The following MSH4 variants were observed in gnomAD, a reference collection of about 807,000 sequenced individuals.
MSH4 encodes mutS homolog 4.
MSH4 carries 106 observed loss-of-function variants against 113.7 expected under a neutral mutation model. The observed-to-expected ratio is 0.93, with a 90% confidence interval of 0.80 to 1.10. MSH4 has a LOEUF of 1.10. Among genes scored for constraint, MSH4 ranks in the 50% least tolerant of loss-of-function variants. The pLI is 0.00. For synonymous variants in MSH4, 368 were observed against 380.2 expected, an observed-to-expected ratio of 0.97 and a Z score of 0.37; for missense variants, 1,061 against 1,093.7, an observed-to-expected ratio of 0.97 and a Z score of 0.42.
Position 75,807,043 on chromosome 1 carries a change from A to G in MSH4, c.490A>G (p.Arg164Gly). ...PSVIVAVVEG[R>G]GLARGEIGMA... ...AGTTATTGTAGCTGTTGTAGAAGGGAGAGGACTTGCCAGAGGTGAAATAGG... is the reference window on the plus strand; with the variant it reads ...AGTTATTGTAGCTGTTGTAGAAGGGGGAGGACTTGCCAGAGGTGAAATAGG... Residue 164 changes from arginine to glycine, a missense_variant, in exon 3 of 20, where the codon AGA becomes GGA. Transcript: ENST00000263187. The G allele has an allele frequency of 6.3e-7, 1 of 1,592,428 alleles. No homozygotes were observed. The highest frequency in any genetic ancestry group is 1.4e-5 in the African/African-American group (1 of 73,572).
intron 15 of MSH4, among the ~76,000 whole-genome samples, chr1:75,887,192 G>A (rs1290633883): frequency 6.6e-6 from 1 of 151,974 alleles, no homozygotes; most frequent in Non-Finnish European, 1.5e-5. Context: ...ATCATGGGGG[G>A]CGGTTTCCCC....
chr1:75,816,247 AC>A, intron 5 of MSH4, 125 bp from the exon 6 acceptor site: 1 of 498,040 alleles, frequency 2.0e-6, no homozygotes, highest in Non-Finnish European at 3.3e-6. Context: ...AATATGAAAT[AC>A]CTGGTGTACC....
intron 7 of MSH4, among the ~76,000 whole-genome samples, chr1:75,832,404 A>C (rs1211048074): frequency 6.6e-6 from 1 of 152,244 alleles, no homozygotes; most frequent in Non-Finnish European, 1.5e-5. Flanking sequence ...TGATCAATAG[A>C]AAAAGAGGGA....
At chr1:75,885,051 G>GTATATGTATGTA (rs1217705221) in intron 15 of MSH4, among the ~76,000 whole-genome samples, 3 of 113,348 alleles carry the variant, frequency 2.6e-5, no homozygotes, top group African/African-American at 1.3e-4. Context: ...GTGTGTGTGT[G>GTATATGTATGTA]TGTGTGTGTA....
intron 10 of MSH4, among the ~76,000 whole-genome samples, chr1:75,877,311 T>C (rs1396463690): frequency 1.3e-5 from 2 of 152,152 alleles, no homozygotes. Context: ...TAAAAATATA[T>C]TTCTTTATTT....
At chr1:75,810,898 G>T (rs1182275767) in intron 4 of MSH4, 91 bp downstream of exon 4, 3 of 589,948 alleles carry the variant, frequency 5.1e-6, no homozygotes, top group African/African-American at 4.0e-5. Flanking sequence ...TTGAGACAGA[G>T]TTTCACTCTG....
intron 4 of MSH4, 146 bp from the exon 5 acceptor site, chr1:75,814,875 T>C (rs956160933): frequency 1.5e-5 from 9 of 602,640 alleles, no homozygotes; most frequent in African/African-American, 1.2e-4. Context: ...ATTCTTTTTA[T>C]AGAAATAACT....
chr1:75,897,870 T>C, intron 17 of MSH4, 37 bp from the exon 18 acceptor site: 1 of 1,268,560 alleles, frequency 7.9e-7, no homozygotes, highest in Non-Finnish European at 1.0e-6. Flanking sequence ...AGTTAATTTT[T>C]AAAGTACTAA....
intron 19 of MSH4, among the ~76,000 whole-genome samples, chr1:75,910,716 T>C (rs1652770862): frequency 6.6e-6 from 1 of 152,170 alleles, no homozygotes; most frequent in Non-Finnish European, 1.5e-5. Context: ...CAACTCTGAA[T>C]CTATATATTT....
intron 19 of MSH4, among the ~76,000 whole-genome samples, chr1:75,909,174 A>C (rs767604977): frequency 6.6e-6 from 1 of 152,264 alleles, no homozygotes; most frequent in East Asian, 1.9e-4. Context: ...GAAGCTGGCT[A>C]TCCACCTCAA....
At position 75,885,466 on chromosome 1, in the gene MSH4, TATAC is replaced by T. The variant is rs1458076959; in HGVS notation, c.2107+1647_2107+1650del. On this transcript the variant is annotated intron_variant, in intron 15 of 19. Coordinates refer to ENST00000263187, the MANE Select transcript of MSH4 (RefSeq NM_002440.4). The stretch of plus-strand genomic sequence containing the variant: ...ATACATATATATATATATATGTATA[TATAC>T]ACACACACACACAAACACTGGGTAC... 1.0e-3 allele frequency among the ~76,000 whole-genome samples: 94 copies of T among 92,490 alleles called. 1 individual carries two copies. Among genetic ancestry groups the T allele is most frequent in the Non-Finnish European group, 1.8e-3 (80 of 44,532 alleles). 60.7% of individuals were successfully genotyped at this position (92,490 alleles called of 152,430 possible).
At chr1:75,907,715 T>TATATATATATATATAG in intron 19 of MSH4, among the ~76,000 whole-genome samples, 1 of 127,290 alleles carries the variant, frequency 7.9e-6, no homozygotes, top group Non-Finnish European at 1.6e-5. Context: ...TATATATATA[T>TATATATATATATATAG]ATATGTATAA....
Position 75,900,090 on chromosome 1 carries a change from A to G in MSH4, c.2619+384A>G, listed in dbSNP as rs567247966. 1.9e-4 allele frequency among the ~76,000 whole-genome samples: 29 copies of G among 152,242 alleles called. No individual in the cohort carries two copies. In the South Asian group the frequency reaches 6.0e-3, roughly 32 times the overall value. On this transcript the variant is annotated intron_variant, in intron 19 of 19. Transcript: ENST00000263187. ...AGTTTTCAAAGCTTTTCTACTCATC[A>G]TATGTAAGCCTCATAACTCTTCATG... is the stretch of plus-strand genomic sequence containing the variant.
chr1:75,801,648 AG>A (rs1649938728), intron 1 of MSH4, among the ~76,000 whole-genome samples: 1 of 150,516 alleles, frequency 6.6e-6, no homozygotes, highest in Non-Finnish European at 1.5e-5. Context: ...CTGAAGTGGG[AG>A]GATTGCTTGA....
At chr1:75,815,355 T>G (rs1650273572) in intron 5 of MSH4, among the ~76,000 whole-genome samples, 1 of 152,194 alleles carries the variant, frequency 6.6e-6, no homozygotes, top group South Asian at 2.1e-4. Flanking sequence ...TGACTAAAAT[T>G]TATACACAAG....
chr1:75,842,877 G>A (rs1570962588), intron 7 of MSH4, among the ~76,000 whole-genome samples: 2 of 152,304 alleles, frequency 1.3e-5, no homozygotes, highest in African/African-American at 4.8e-5. Flanking sequence ...TGGAGGGCCT[G>A]ACATTAGTCA....
chr1:75,867,468 T>A lies in MSH4; in HGVS notation c.1231-46T>A, dbSNP rs754228524. ...TCAAGAGGAAAACCCATTGTTCTATTAAATATTTATGGTGTCCATCCAAAT... is the reference window on the plus strand; with the variant it reads ...TCAAGAGGAAAACCCATTGTTCTATAAAATATTTATGGTGTCCATCCAAAT... On this transcript the variant is annotated intron_variant, in intron 8 of 19. Coordinates refer to ENST00000263187, the MANE Select transcript of MSH4 (RefSeq NM_002440.4). 1.8e-5 allele frequency: 18 copies of A among 1,020,958 alleles called. 1 individual carries two copies. In the South Asian group the frequency reaches 2.4e-4, roughly 14 times the overall value. The allele number at this position is 1,020,958 out of a possible 1,614,324, so 63.2% of individuals were successfully genotyped here.
chr1:75,814,497 A>C (rs1366273145), intron 4 of MSH4, among the ~76,000 whole-genome samples: 2 of 151,966 alleles, frequency 1.3e-5, no homozygotes, highest in Non-Finnish European at 2.9e-5. Context: ...TGTTCTAAAT[A>C]AATTCAATTC....
At chr1:75,808,043 A>AT (rs1229992509) in intron 3 of MSH4, among the ~76,000 whole-genome samples, 4 of 152,168 alleles carry the variant, frequency 2.6e-5, no homozygotes, top group Non-Finnish European at 5.9e-5. Flanking sequence ...AAATGTTGAA[A>AT]TTTTTTTGAT....
Sources: allele counts gnomAD v4.1 joint callset (sites outside exome capture counted in the v4.1 genomes callset), GRCh38; gene constraint gnomAD v4.1.1; transcripts MANE v1.5; gene names NCBI Gene and HGNC (gene_info 2026-07-23, HGNC 2026-07-21).